RHBDL2: variants seen among roughly 807,000 people sequenced by gnomAD.
RHBDL2 encodes the protein rhomboid-related protein 2.
RHBDL2 carries 26 observed loss-of-function variants against 31.7 expected under a neutral mutation model. That is an observed-to-expected ratio of 0.82 (90% CI 0.60 to 1.14). The LOEUF is 1.14. Ranked by LOEUF, RHBDL2 falls within the 50% of genes most tolerant of loss-of-function variation. The pLI is 0.00. For missense variants in RHBDL2, 336 were observed against 364.4 expected (o/e 0.92, Z 0.63); for synonymous variants, 123 against 127.2 (o/e 0.97, Z 0.22).
intron 4 of RHBDL2, among the ~76,000 whole-genome samples, chr1:38,905,624 A>T (rs1327523270): frequency 6.6e-6 from 1 of 150,912 alleles, no homozygotes; most frequent in Non-Finnish European, 1.5e-5. Flanking sequence ...GTGGTACTGC[A>T]TGCCTGTAAT....
intron 4 of RHBDL2, among the ~76,000 whole-genome samples, chr1:38,901,289 C>G (rs1014132042): frequency 6.6e-6 from 1 of 151,328 alleles, no homozygotes; most frequent in African/African-American, 2.4e-5. Flanking sequence ...TGGCGAAACC[C>G]TGTCTCTACT....
At chr1:38,911,663 T>C (rs1024462649) in intron 3 of RHBDL2, among the ~76,000 whole-genome samples, 8 of 151,608 alleles carry the variant, frequency 5.3e-5, no homozygotes, top group African/African-American at 9.7e-5. Flanking sequence ...CGCGCGCGTG[T>C]GTGACTTGCT....
chr1:38,894,932 C>G (rs1642898642), intron 5 of RHBDL2, among the ~76,000 whole-genome samples: 3 of 152,122 alleles, frequency 2.0e-5, no homozygotes, highest in Non-Finnish European at 4.4e-5. Flanking sequence ...GTCTCGATCT[C>G]TTGACCTCAT....
At position 38,886,643 on chromosome 1, in the gene RHBDL2, A is replaced by G; in HGVS notation, c.773T>C (p.Met258Thr). Reference protein sequence around the residue: ...AAHIAGGFAGMSIGYTVFSCF... With the variant: ...AAHIAGGFAGTSIGYTVFSCF... ...GCTAAACACCGTGTAGCCAATGGAC[A>G]TTCCAGCAAATCCACCTGCAATGTG... Residue 258 changes from methionine (M) to threonine (T), a missense_variant, in exon 8 of 8, where the codon ATG becomes ACG. Coordinates refer to ENST00000372990, the MANE Select transcript of RHBDL2 (RefSeq NM_017821.5). 6.3e-7 allele frequency: 1 copy of G among 1,576,528 alleles called. No individual in the cohort carries two copies. Among genetic ancestry groups the G allele is most frequent in the Non-Finnish European group, 8.6e-7 (1 of 1,158,024 alleles).
intron 4 of RHBDL2, among the ~76,000 whole-genome samples, chr1:38,909,935 C>G (rs1434007506): frequency 6.6e-6 from 1 of 152,004 alleles, no homozygotes; most frequent in Non-Finnish European, 1.5e-5. Context: ...TAGCCAAAAA[C>G]TGAAACAACT....
intron 3 of RHBDL2, among the ~76,000 whole-genome samples, chr1:38,912,985 T>TGTGTG (rs780852288): frequency 2.1e-5 from 3 of 139,794 alleles, no homozygotes; most frequent in Non-Finnish European, 4.6e-5. Context: ...TGTGTGTGTA[T>TGTGTG]TTTTTTTTTT....
At chr1:38,934,701 T>A (rs1317086239) in intron 1 of RHBDL2, among the ~76,000 whole-genome samples, 3 of 147,630 alleles carry the variant, frequency 2.0e-5, no homozygotes, top group Non-Finnish European at 4.4e-5. Context: ...CTCACACTTA[T>A]AATCCCAGCA....
At chr1:38,930,195 G>A (rs1450922298) in intron 1 of RHBDL2, among the ~76,000 whole-genome samples, 4 of 152,124 alleles carry the variant, frequency 2.6e-5, no homozygotes, top group African/African-American at 9.7e-5. Flanking sequence ...GCCTCTCGGC[G>A]GAATAATGTC....
intron 5 of RHBDL2, among the ~76,000 whole-genome samples, chr1:38,895,477 T>C (rs1366520121): frequency 2.6e-5 from 4 of 152,192 alleles, no homozygotes; most frequent in African/African-American, 9.7e-5. Context: ...TATGTTGTAC[T>C]CATTACTTTT....
intron 7 of RHBDL2, 124 bp from the exon 8 acceptor site, chr1:38,886,807 G>C (rs533554080): frequency 1.4e-6 from 1 of 691,056 alleles, no homozygotes; most frequent in Middle Eastern, 2.6e-4. Context: ...AAGGTCTAGA[G>C]AACTAGGGGT....
intron 1 of RHBDL2, among the ~76,000 whole-genome samples, chr1:38,940,766 G>A (rs1310311224): frequency 6.6e-6 from 1 of 152,144 alleles, no homozygotes; most frequent in African/African-American, 2.4e-5. Context: ...ATTTTGAGCT[G>A]GCCGCCGTGC....
chr1:38,920,161 G>GTTTTT (rs377560449), intron 1 of RHBDL2, among the ~76,000 whole-genome samples: 1 of 84,200 alleles, frequency 1.2e-5, no homozygotes, highest in African/African-American at 4.9e-5. Context: ...TCCTTCACAT[G>GTTTTT]TTTTCTTTTT....
intron 1 of RHBDL2, among the ~76,000 whole-genome samples, chr1:38,936,337 C>A (rs1232066152): frequency 6.6e-6 from 1 of 151,796 alleles, no homozygotes; most frequent in East Asian, 1.9e-4. Flanking sequence ...GAGATGGAGT[C>A]TCACTCTGTT....
chr1:38,914,769 C>T (rs988571051), intron 3 of RHBDL2, among the ~76,000 whole-genome samples: 4 of 151,720 alleles, frequency 2.6e-5, no homozygotes, highest in East Asian at 2.0e-4. Flanking sequence ...GTGGCTCACA[C>T]CTGTAATCCC....
At chr1:38,918,652 C>T (rs1236444232) in intron 2 of RHBDL2, among the ~76,000 whole-genome samples, 2 of 152,178 alleles carry the variant, frequency 1.3e-5, no homozygotes, top group Non-Finnish European at 1.5e-5. Context: ...AGCCCTTGTG[C>T]AACCCCAGAA....
At chr1:38,907,462 C>A (rs1363182711) in intron 4 of RHBDL2, among the ~76,000 whole-genome samples, 1 of 152,202 alleles carries the variant, frequency 6.6e-6, no homozygotes, top group African/African-American at 2.4e-5. Context: ...ATTGCTTGAA[C>A]CTGGGAGGTG....
chr1:38,901,580 A>G (rs140200518), intron 4 of RHBDL2, among the ~76,000 whole-genome samples: 1,873 of 152,014 alleles, frequency 0.012, 53 homozygotes, highest in African/African-American at 0.043. Flanking sequence ...TCACGCTTAT[A>G]ATCCCAGCAC....
chr1:38,907,639 C>T (rs1032519539), intron 4 of RHBDL2, among the ~76,000 whole-genome samples: 1 of 152,072 alleles, frequency 6.6e-6, no homozygotes, highest in Non-Finnish European at 1.5e-5. Context: ...AGCCCAAGGC[C>T]GGAGGATCAC....
chr1:38,926,096 A>G, intron 1 of RHBDL2: 2 of 1,203,220 alleles, frequency 1.7e-6, no homozygotes, highest in Non-Finnish European at 1.1e-6. Flanking sequence ...CACTACAGAC[A>G]TTAACCATGC....
Sources: allele counts gnomAD v4.1 joint callset (sites outside exome capture counted in the v4.1 genomes callset), GRCh38; gene constraint gnomAD v4.1.1; transcripts MANE v1.5; gene names NCBI Gene and HGNC (gene_info 2026-07-23, HGNC 2026-07-21).